FAR2: variants seen among roughly 807,000 people sequenced by gnomAD.
The protein encoded by FAR2 is fatty acyl-CoA reductase 2, also known as epididymis secretory protein Li 81.
Under a neutral mutation model 56.0 loss-of-function variants are expected in FAR2, and 19 were observed. That is an observed-to-expected ratio of 0.34 (90% CI 0.24 to 0.50). The LOEUF (loss-of-function observed/expected upper bound fraction) is 0.50. FAR2 is among the 20% of genes least tolerant of loss of function. The pLI is 0.98. For synonymous variants in FAR2, 219 were observed against 218.8 expected (o/e 1.00, Z -0.01); for missense variants, 508 against 642.2 (o/e 0.79, Z 2.26).
intron 1 of FAR2, among the ~76,000 whole-genome samples, chr12:29,177,257 T>C (rs572615614): frequency 6.6e-6 from 1 of 152,358 alleles, no homozygotes; most frequent in Non-Finnish European, 1.5e-5. Flanking sequence ...TTCCAGTCTA[T>C]TCCAGCTGCA....
intron 1 of FAR2, chr12:29,151,497 G>T (rs908150695): frequency 1.3e-5 from 2 of 152,174 alleles, no homozygotes; most frequent in Admixed American, 6.5e-5. Context: ...ACCGCACAGG[G>T]CCTTGCACTT....
At chr12:29,253,383 A>ATATCTATATATCTATATCTATC (rs1591894633) in intron 1 of FAR2, among the ~76,000 whole-genome samples, 2 of 146,732 alleles carry the variant, frequency 1.4e-5, no homozygotes, top group South Asian at 2.2e-4. Flanking sequence ...ATCTAGATAG[A>ATATCTATATATCTATATCTATC]TAGATAGATA....
In FAR2 at chr12:29,170,128, G is replaced by A. The variant is rs1398648822; in HGVS notation, c.-39+20721G>A. ...GATTCTGTAAGTACTTTAAGGTTTG[G>A]CTGAGTGCAAACAGCTGGCACGTTT... is the stretch of plus-strand genomic sequence containing the variant. On this transcript the variant is annotated intron_variant, in intron 1 of 11. Coordinates refer to ENST00000536681, the MANE Select transcript of FAR2 (RefSeq NM_001271783.2). 2.0e-5 allele frequency among the ~76,000 whole-genome samples: 3 copies of A among 152,298 alleles called. No individual in the cohort carries two copies. The East Asian group carries it at 5.8e-4, about 29-fold the overall frequency.
Position 29,332,738 on chromosome 12 carries a change from T to A in FAR2, c.1385+11T>A. 3.1e-6 allele frequency: 5 copies of A among 1,610,006 alleles called. No homozygotes were observed. The highest frequency in any genetic ancestry group is 4.2e-6 in the Non-Finnish European group (5 of 1,177,954). ...GCAACGCTTAAAAAGGTAAGTATAATCAGTCAGTTAATATTTATTGAGCAC... is the reference window on the plus strand; with the variant it reads ...GCAACGCTTAAAAAGGTAAGTATAAACAGTCAGTTAATATTTATTGAGCAC... On this transcript the variant is annotated intron_variant, in intron 11 of 11. Transcript: ENST00000536681.
chr12:29,305,373 A>G (rs1489592894), intron 4 of FAR2, among the ~76,000 whole-genome samples: 1 of 152,074 alleles, frequency 6.6e-6, no homozygotes, highest in Non-Finnish European at 1.5e-5. Flanking sequence ...CCTGGACTCA[A>G]ACGATCCTCC....
chr12:29,184,497 C>A (rs56209813), intron 1 of FAR2, among the ~76,000 whole-genome samples: 2 of 135,650 alleles, frequency 1.5e-5, no homozygotes, highest in Non-Finnish European at 3.0e-5. Context: ...TGCAGTGGCG[C>A]GATCTCAGCT....
At chr12:29,218,553 C>T (rs941501165) in intron 1 of FAR2, among the ~76,000 whole-genome samples, 1 of 151,828 alleles carries the variant, frequency 6.6e-6, no homozygotes, top group Non-Finnish European at 1.5e-5. Context: ...AACTGAAGTT[C>T]CAGAAAGACA....
At chr12:29,225,266 T>A (rs1373551532) in intron 1 of FAR2, among the ~76,000 whole-genome samples, 4 of 152,132 alleles carry the variant, frequency 2.6e-5, no homozygotes, top group Non-Finnish European at 5.9e-5. Context: ...GAAAAGCAGT[T>A]AGTTAACTTT....
At chr12:29,169,744 A>G (rs1238495004) in intron 1 of FAR2, among the ~76,000 whole-genome samples, 1 of 152,176 alleles carries the variant, frequency 6.6e-6, no homozygotes, top group Admixed American at 6.5e-5. Flanking sequence ...GAGTAAGGAT[A>G]GATTTTGTTA....
intron 2 of FAR2, among the ~76,000 whole-genome samples, chr12:29,276,031 T>C (rs1467709237): frequency 6.6e-6 from 1 of 152,212 alleles, no homozygotes; most frequent in African/African-American, 2.4e-5. Flanking sequence ...CTTAACAGCC[T>C]GGGCTTCAGA....
intron 1 of FAR2, among the ~76,000 whole-genome samples, chr12:29,214,019 A>G (rs1046923701): frequency 1.3e-5 from 2 of 152,196 alleles, no homozygotes; most frequent in African/African-American, 2.4e-5. Flanking sequence ...CCACACCTCA[A>G]AGTTTCTTAT....
At chr12:29,270,083 C>T (rs1948588970) in intron 1 of FAR2, among the ~76,000 whole-genome samples, 2 of 152,226 alleles carry the variant, frequency 1.3e-5, no homozygotes, top group South Asian at 2.1e-4. Flanking sequence ...CCTCTCAGGT[C>T]TCCCTTTGTT....
chr12:29,299,213 CAAAAAAA>C (rs71042981), intron 4 of FAR2, among the ~76,000 whole-genome samples: 11 of 103,592 alleles, frequency 1.1e-4, no homozygotes, highest in East Asian at 5.2e-4. Context: ...AACTTTGTCT[CAAAAAAA>C]AAAAAAAAAA....
intron 1 of FAR2, among the ~76,000 whole-genome samples, chr12:29,213,955 CT>C (rs1365107251): frequency 6.6e-6 from 1 of 152,142 alleles, no homozygotes; most frequent in Non-Finnish European, 1.5e-5. Context: ...CACCAGAGAG[CT>C]TTGGATTAAT....
chr12:29,249,290 G>A lies in FAR2; in HGVS notation c.-38-21122G>A, dbSNP rs561442690. Reference sequence around the variant, plus strand: ...ACGTTCTTCTGCCATGGCTTCAGCCGGTCCCTCCGTTTGGGGTCCCTGACT... The same window carrying A: ...ACGTTCTTCTGCCATGGCTTCAGCCAGTCCCTCCGTTTGGGGTCCCTGACT... On this transcript the variant is annotated intron_variant, in intron 1 of 11. Transcript: ENST00000536681. Among the ~76,000 whole-genome samples, 47 of 152,260 alleles carry A rather than the reference G, an allele frequency of 3.1e-4. No individual in the cohort carries two copies. In the South Asian group the frequency reaches 3.3e-3, roughly 11 times the overall value.
intron 1 of FAR2, among the ~76,000 whole-genome samples, chr12:29,192,666 A>G (rs753950609): frequency 1.3e-5 from 2 of 152,234 alleles, no homozygotes; most frequent in Non-Finnish European, 2.9e-5. Flanking sequence ...ATATATAAAC[A>G]TATGACAAGT....
rs1240670686 is a variant in FAR2 at position 29,270,706 on chromosome 12, T to C, written c.189+68T>C. ...GGCAAGATGATTCACTACAATGTTC[T>C]CTTATAGTCTCATATTGCAAGTGGG... On this transcript the variant is annotated intron_variant, in intron 2 of 11. Coordinates refer to ENST00000536681, the MANE Select transcript of FAR2 (RefSeq NM_001271783.2). 5.2e-6 allele frequency: 7 copies of C among 1,358,850 alleles called. No homozygotes were observed. In the African/African-American group the frequency reaches 7.3e-5, roughly 14 times the overall value. The allele number at this position is 1,358,850 out of a possible 1,614,324, so 84.2% of individuals were successfully genotyped here. A position where few individuals can be genotyped will look rare whatever the true frequency, so the allele number is the denominator to read the frequency against.
intron 1 of FAR2, among the ~76,000 whole-genome samples, chr12:29,253,884 T>A (rs532393368): frequency 2.6e-5 from 4 of 152,352 alleles, no homozygotes; most frequent in African/African-American, 9.6e-5. Context: ...ATTCAATACA[T>A]GTGTTTAATC....
At chr12:29,198,084 A>C (rs944587265) in intron 1 of FAR2, among the ~76,000 whole-genome samples, 2 of 152,222 alleles carry the variant, frequency 1.3e-5, no homozygotes, top group African/African-American at 4.8e-5. Flanking sequence ...TACTTTCAAA[A>C]TAACAAATTT....
Sources: allele counts gnomAD v4.1 joint callset (sites outside exome capture counted in the v4.1 genomes callset), GRCh38; gene constraint gnomAD v4.1.1; transcripts MANE v1.5; gene names NCBI Gene and HGNC (gene_info 2026-07-23, HGNC 2026-07-21).